The following ZNG1B variants were observed in gnomAD, a reference collection of about 807,000 sequenced individuals.
The protein encoded by ZNG1B is Zn regulated GTPase metalloprotein activator 1B.
chr2:113,440,341 ATCT>A, the ZNG1B span, among the ~76,000 whole-genome samples: 5 of 151,764 alleles, frequency 3.3e-5, no homozygotes, highest in Non-Finnish European at 7.4e-5. Context: ...GCCCTAGTAA[ATCT>A]TCTCTTAGAA....
At chr2:113,464,631 G>A in the ZNG1B span, among the ~76,000 whole-genome samples, 1 of 151,226 alleles carries the variant, frequency 6.6e-6, no homozygotes, top group Non-Finnish European at 1.5e-5. Context: ...AAAGGAACCT[G>A]GGATGTGTGA....
At chr2:113,488,383 A>G in the ZNG1B span, among the ~76,000 whole-genome samples, 1 of 152,180 alleles carries the variant, frequency 6.6e-6, no homozygotes. Flanking sequence ...TCAGCCCTAG[A>G]CATTCTCTCT....
the ZNG1B span, chr2:113,457,281 A>G: frequency 8.1e-6 from 3 of 369,222 alleles, no homozygotes; most frequent in African/African-American, 6.9e-5. Context: ...GAAAACAGTT[A>G]GCTTGGAAAA....
chr2:113,439,242 C>T, the ZNG1B span: 1 of 1,489,312 alleles, frequency 6.7e-7, no homozygotes, highest in Non-Finnish European at 9.1e-7. Flanking sequence ...CTTTCTGAAA[C>T]ACTGTTCTTT....
the ZNG1B span, chr2:113,481,845 A>G: frequency 4.1e-6 from 1 of 244,224 alleles, no homozygotes; most frequent in African/African-American, 2.3e-5. Context: ...GGTTATATAT[A>G]TTTAAGTTTG....
the ZNG1B span, chr2:113,468,502 TAG>T: frequency 7.0e-6 from 1 of 143,330 alleles, no homozygotes; most frequent in Non-Finnish European, 1.5e-5. Context: ...ACTTCTGGAA[TAG>T]AGAGTTCAAG....
the ZNG1B span, among the ~76,000 whole-genome samples, chr2:113,476,251 C>T: frequency 6.6e-6 from 1 of 152,102 alleles, no homozygotes; most frequent in Non-Finnish European, 1.5e-5. Flanking sequence ...CATATTTCAT[C>T]GCTGATACCC....
chr2:113,477,612 G>A, the ZNG1B span, among the ~76,000 whole-genome samples: 2 of 152,110 alleles, frequency 1.3e-5, no homozygotes, highest in East Asian at 1.9e-4. Context: ...TGGTAAGGGA[G>A]GGAAGAAAGA....
the ZNG1B span, chr2:113,437,695 G>T: frequency 6.7e-7 from 1 of 1,499,754 alleles, no homozygotes; most frequent in Non-Finnish European, 9.0e-7. Flanking sequence ...GTGGCTAAGG[G>T]ACGAGGCGCT....
the ZNG1B span, among the ~76,000 whole-genome samples, chr2:113,476,749 A>G: frequency 1.3e-5 from 2 of 151,968 alleles, 1 homozygote; most frequent in South Asian, 4.2e-4. Context: ...CAGGACCTTC[A>G]GCTGCAGGTC....
At chr2:113,460,270 T>A in the ZNG1B span, among the ~76,000 whole-genome samples, 2 of 151,754 alleles carry the variant, frequency 1.3e-5, no homozygotes, top group Non-Finnish European at 2.9e-5. Context: ...TTTCAGTGGT[T>A]ATCCTTTTTT....
chr2:113,479,945 A>C, the ZNG1B span, among the ~76,000 whole-genome samples: 3 of 151,510 alleles, frequency 2.0e-5, no homozygotes, highest in Admixed American at 6.6e-5. Context: ...CCTCAGACTC[A>C]TGAGTAGCTG....
At chr2:113,489,810 G>T in the ZNG1B span, among the ~76,000 whole-genome samples, 1 of 147,794 alleles carries the variant, frequency 6.8e-6, no homozygotes, top group Non-Finnish European at 1.5e-5. Context: ...CAACAGGAAA[G>T]TATCACAATC....
chr2:113,442,530 TC>T, the ZNG1B span, among the ~76,000 whole-genome samples: 2 of 152,226 alleles, frequency 1.3e-5, no homozygotes, highest in East Asian at 1.9e-4. Flanking sequence ...TAGGCAAAAA[TC>T]CTGAGATTTC....
the ZNG1B span, among the ~76,000 whole-genome samples, chr2:113,484,969 T>A: frequency 1.3e-5 from 2 of 152,008 alleles, no homozygotes; most frequent in African/African-American, 4.8e-5. Context: ...CCGGCCTCAA[T>A]GTATTTTTAC....
At chr2:113,475,961 A>G in the ZNG1B span, among the ~76,000 whole-genome samples, 1 of 151,980 alleles carries the variant, frequency 6.6e-6, no homozygotes, top group Non-Finnish European at 1.5e-5. Flanking sequence ...TCTGACAATT[A>G]TGTGTCTTGG....
At chr2:113,464,905 G>A in the ZNG1B span, among the ~76,000 whole-genome samples, 1 of 152,058 alleles carries the variant, frequency 6.6e-6, no homozygotes, top group Non-Finnish European at 1.5e-5. Context: ...TTGCATATAC[G>A]TTTTATTGCT....
the ZNG1B span, among the ~76,000 whole-genome samples, chr2:113,448,767 G>A: frequency 6.6e-6 from 1 of 151,946 alleles, no homozygotes; most frequent in Non-Finnish European, 1.5e-5. Flanking sequence ...AGCCTGGCTT[G>A]GTGGTGGGAG....
the ZNG1B span, among the ~76,000 whole-genome samples, chr2:113,460,967 G>A: frequency 4.0e-4 from 60 of 149,558 alleles, no homozygotes; most frequent in African/African-American, 1.3e-3. Flanking sequence ...TGAGGAACTC[G>A]GGAAATATTA....
Sources: allele counts gnomAD v4.1 joint callset (sites outside exome capture counted in the v4.1 genomes callset), GRCh38; gene constraint gnomAD v4.1.1; transcripts MANE v1.5; gene names NCBI Gene and HGNC (gene_info 2026-07-23, HGNC 2026-07-21).